The following EP400 variants were observed in gnomAD, a reference collection of about 807,000 sequenced individuals.
The protein encoded by EP400 is E1A-binding protein p400.
In EP400, 105 loss-of-function variants were observed where a neutral mutation model predicts 354.1. The observed-to-expected ratio is 0.30, with a 90% confidence interval of 0.25 to 0.35. EP400 has a LOEUF of 0.35. EP400 is among the 10% of genes least tolerant of loss of function. The pLI is 1.00. For missense variants in EP400, 3,280 were observed against 4,121.0 expected, an observed-to-expected ratio of 0.80 and a Z score of 5.59; for synonymous variants, 1,646 against 1,716.9, an observed-to-expected ratio of 0.96 and a Z score of 1.02.
rs1486846188 is a variant in EP400, at chr12:131,994,810, G to T, written c.2738-57G>T. The T allele has an allele frequency of 1.6e-5, 23 of 1,479,086 alleles. No individual in the cohort carries two copies. Among genetic ancestry groups the T allele is most frequent in the Non-Finnish European group, 2.2e-5 (23 of 1,060,550 alleles). The allele number at this position is 1,479,086 out of a possible 1,614,324, so 91.6% of individuals were successfully genotyped here. On this transcript the variant is annotated intron_variant, in intron 11 of 52. Transcript: ENST00000389561. The surrounding 1 kb of genome is among the most constrained non-coding windows in gnomAD (Gnocchi z 4.6). ...TTCGAAGCCTTATAGTGTGTAATGA[G>T]TAACAGACACTCAAGTGGTGTTGCC... is the stretch of plus-strand genomic sequence containing the variant.
chr12:132,062,262 C>G lies in EP400; in HGVS notation c.8037C>G (p.Val2679=), dbSNP rs1300748162. ...CTTCTGTGACAGCCTCGGCCGTGGT[C>G]ACTACCAACCTGACCCCAGTGCAGA... is the stretch of plus-strand genomic sequence containing the variant. ...AVTSVTASAV[V]TTNLTPVQTP... is the part of the protein sequence containing the mutation. Residue 2679 remains valine, a synonymous_variant, in exon 46 of 53, where the codon GTC becomes GTG. Transcript: ENST00000389561. 1 of 1,614,210 alleles carries G rather than the reference C, an allele frequency of 6.2e-7. No homozygotes were observed. The highest frequency in any genetic ancestry group is 2.2e-5 in the East Asian group (1 of 44,882).
rs374346319 is a variant in EP400, at chr12:132,028,340, G to A, written c.5381+52G>A. The A allele has an allele frequency of 2.3e-5, 36 of 1,590,294 alleles. No individual in the cohort carries two copies. In the African/African-American group the frequency reaches 2.7e-4, roughly 12 times the overall value. On this transcript the variant is annotated intron_variant, in intron 27 of 52. Coordinates refer to ENST00000389561, the MANE Select transcript of EP400 (RefSeq NM_015409.5). ...GTGCTCTCTGGCTGCATTGCACCCC[G>A]GCAAGACCCCTTCTTGTCTCGTGGA... is the stretch of plus-strand genomic sequence containing the variant.
intron 10 of EP400, 50 bp downstream of exon 10, chr12:131,991,506 C>G (rs530743915): frequency 1.9e-6 from 3 of 1,538,816 alleles, no homozygotes; most frequent in South Asian, 2.2e-5. Context: ...AGAAGCAGCT[C>G]CAGTAGAGTG....
intron 2 of EP400, among the ~76,000 whole-genome samples, chr12:131,969,267 T>G (rs949283886): frequency 2.6e-5 from 4 of 152,174 alleles, no homozygotes; most frequent in Non-Finnish European, 4.4e-5. Flanking sequence ...TTTTTCTTCT[T>G]TAGTCTGTAA....
chr12:132,030,186 CT>C, intron 29 of EP400, 28 bp downstream of exon 29: 1 of 1,612,188 alleles, frequency 6.2e-7, no homozygotes, highest in Non-Finnish European at 8.5e-7. Flanking sequence ...TACATTGTCT[CT>C]GATGGGTCAG....
At position 132,032,156 on chromosome 12, in the gene EP400, G is replaced by T; in HGVS notation, c.5951+7G>T. ...AAGACATCCACATATACAGGTGAGGGCCTGCGGGGGATAGGATCAGGAGAT... is the reference window on the plus strand; with the variant it reads ...AAGACATCCACATATACAGGTGAGGTCCTGCGGGGGATAGGATCAGGAGAT... On this transcript the variant is annotated splice_region_variant and intron_variant, in intron 30 of 52. Coordinates refer to ENST00000389561, the MANE Select transcript of EP400 (RefSeq NM_015409.5). 3 of 1,609,606 alleles carry T rather than the reference G, an allele frequency of 1.9e-6. No individual in the cohort carries two copies. Among genetic ancestry groups the T allele is most frequent in the South Asian group, 1.1e-5 (1 of 90,612 alleles).
Position 132,017,715 on chromosome 12 carries a change from C to G in EP400, c.4104C>G (p.Phe1368Leu). The change falls in exon 20 of 53, where the codon TTC becomes TTG. Residue 1368 changes from phenylalanine (F) to leucine (L), a missense_variant. Around this residue, in one of 20 missense-constraint regions of EP400, gnomAD observed 342 missense variants for 342.7 expected, o/e 1.00. Coordinates refer to ENST00000389561, the MANE Select transcript of EP400 (RefSeq NM_015409.5). This position sits in a 1 kb window ranked among gnomAD's most constrained non-coding sequence, Gnocchi z 5.0. ...SLILKALERD[F>L]WKEADLSMFD... Reference sequence around the variant, plus strand: ...TCCTGAAGGCACTGGAGAGAGATTTCTGGAAGGTAAGTGGAGGATCCAGAA... The same window carrying G: ...TCCTGAAGGCACTGGAGAGAGATTTGTGGAAGGTAAGTGGAGGATCCAGAA... 6.6e-7 allele frequency: 1 copy of G among 1,518,474 alleles called. No individual in the cohort carries two copies. The highest frequency in any genetic ancestry group is 8.8e-7 in the Non-Finnish European group (1 of 1,133,920). The allele number at this position is 1,518,474 out of a possible 1,614,324, so 94.1% of individuals were successfully genotyped here.
intron 5 of EP400, among the ~76,000 whole-genome samples, chr12:131,983,589 G>T (rs867907352): frequency 1.8e-4 from 28 of 152,356 alleles, no homozygotes; most frequent in African/African-American, 6.3e-4. Flanking sequence ...GCACATCAGG[G>T]CGTGGGGAGC....
Position 131,960,873 on chromosome 12 carries a change from G to T in EP400, c.254G>T (p.Gly85Val), listed in dbSNP as rs1383601008. ...TLQSVGPVVG[G>V]NQQITLAPLP... is the part of the protein sequence containing the mutation. ...CAGAGCGTGGGCCCTGTCGTCGGGG[G>T]AAACCAGCAGATCACACTGGCCCCA... Residue 85 changes from glycine (G) to valine (V), a missense_variant, in exon 2 of 53, where the codon GGA becomes GTA. By Grantham distance (109) the Gly-to-Val change is moderately radical (BLOSUM62 -3). Around this residue, in one of 20 missense-constraint regions of EP400, gnomAD observed 172 missense variants for 242.9 expected, o/e 0.71. Coordinates refer to ENST00000389561, the MANE Select transcript of EP400 (RefSeq NM_015409.5). The T allele has an allele frequency of 6.2e-7, 1 of 1,614,020 alleles. No individual in the cohort carries two copies. Among genetic ancestry groups the T allele is most frequent in the East Asian group, 2.2e-5 (1 of 44,878 alleles).
Position 132,077,751 on chromosome 12 carries a change from A to G in EP400, c.*78A>G, listed in dbSNP as rs1265517767. 53 of 1,447,672 alleles carry G rather than the reference A, an allele frequency of 3.7e-5. No individual in the cohort carries two copies. The highest frequency in any genetic ancestry group is 4.8e-5 in the Non-Finnish European group (52 of 1,093,554). The allele number at this position is 1,447,672 out of a possible 1,614,324, so 89.7% of individuals were successfully genotyped here. ...AAACGCTTTATTAGTGAACCTTGGGACCATGTCACGCAAGAGATTCAGCAC... is the reference window on the plus strand; with the variant it reads ...AAACGCTTTATTAGTGAACCTTGGGGCCATGTCACGCAAGAGATTCAGCAC... On this transcript the variant is annotated 3_prime_UTR_variant, in exon 53 of 53. Coordinates refer to ENST00000389561, the MANE Select transcript of EP400 (RefSeq NM_015409.5).
Position 131,994,963 on chromosome 12 carries a change from T to C in EP400, c.2827+7T>C. ...TCTAATTTAGCCAAGGAAGGTAGGC[T>C]GTTGCTACCTTATTAAACATTCAGT... On this transcript the variant is annotated splice_region_variant and intron_variant, in intron 12 of 52. Transcript: ENST00000389561. This position sits in a 1 kb window ranked among gnomAD's most constrained non-coding sequence, Gnocchi z 4.6. 1 of 1,611,248 alleles carries C rather than the reference T, an allele frequency of 6.2e-7. No individual in the cohort carries two copies. The highest frequency in any genetic ancestry group is 8.5e-7 in the Non-Finnish European group (1 of 1,177,640).
At chr12:131,998,057 C>T (rs1451490202) in intron 12 of EP400, among the ~76,000 whole-genome samples, 1 of 152,230 alleles carries the variant, frequency 6.6e-6, no homozygotes, top group Admixed American at 6.5e-5. Context: ...CTTTTCCCCA[C>T]TGATCTTAAG....
rs535478018 is a variant in EP400 at position 132,025,061 on chromosome 12, T to C, written c.4856-585T>C. Among the ~76,000 whole-genome samples, 1 of 152,134 alleles carries C rather than the reference T, an allele frequency of 6.6e-6. No individual in the cohort carries two copies. Among genetic ancestry groups the C allele is most frequent in the South Asian group, 2.1e-4 (1 of 4,824 alleles). On this transcript the variant is annotated intron_variant, in intron 24 of 52. Transcript: ENST00000389561. The surrounding 1 kb of genome is among the most constrained non-coding windows in gnomAD (Gnocchi z 4.1). The stretch of plus-strand genomic sequence containing the variant: ...AGTCTGGTTTACTTCCTTTTTTTTT[T>C]TCTTAAAACAAAACAAAACAAAACA...
At position 131,986,681 on chromosome 12, in the gene EP400, A is replaced by G. The variant is rs1303847917; in HGVS notation, c.2097A>G (p.Leu699=). The change falls in exon 6 of 53, where the codon CTA becomes CTG. Residue 699 remains leucine, a synonymous_variant. Coordinates refer to ENST00000389561, the MANE Select transcript of EP400 (RefSeq NM_015409.5). ...NRPSSATNKA[L]SPVTSRTPGV... The stretch of plus-strand genomic sequence containing the variant: ...CTTCCTCAGCCACCAATAAGGCACT[A>G]TCTCCAGTCACTTCCCGGACCCCAG... 2 of 1,614,110 alleles carry G rather than the reference A, an allele frequency of 1.2e-6. No individual in the cohort carries two copies. The highest frequency in any genetic ancestry group is 8.5e-7 in the Non-Finnish European group (1 of 1,180,012).
Position 132,044,434 on chromosome 12 carries a change from C to G in EP400, c.6585+123C>G. The G allele has an allele frequency of 3.7e-6, 5 of 1,361,590 alleles. No individual in the cohort carries two copies. The South Asian group carries it at 4.5e-5, about 12-fold the overall frequency. The allele number at this position is 1,361,590 out of a possible 1,614,324, so 84.3% of individuals were successfully genotyped here. A position where few individuals can be genotyped will look rare whatever the true frequency, so the allele number is the denominator to read the frequency against. On this transcript the variant is annotated intron_variant, in intron 35 of 52. Coordinates refer to ENST00000389561, the MANE Select transcript of EP400 (RefSeq NM_015409.5). ...AGAAAATGCCTAGGAATTTTTACTT[C>G]TCATATCAACACAACCTCACTTATG... is the stretch of plus-strand genomic sequence containing the variant.
At chr12:132,069,246 G>A in intron 50 of EP400, 2 of 482,196 alleles carry the variant, frequency 4.1e-6, no homozygotes, top group Non-Finnish European at 7.3e-6. Context: ...CCCGGGTGGG[G>A]TGGGCTGCAG....
chr12:131,989,152 G>A (rs999265274), intron 7 of EP400, among the ~76,000 whole-genome samples: 3 of 152,240 alleles, frequency 2.0e-5, no homozygotes, highest in Non-Finnish European at 4.4e-5. Context: ...GGGCTAGAGT[G>A]GGAGCTGGTG....
At chr12:131,999,001 C>T (rs1310870856) in intron 12 of EP400, among the ~76,000 whole-genome samples, 4 of 150,018 alleles carry the variant, frequency 2.7e-5, no homozygotes, top group African/African-American at 7.3e-5. Flanking sequence ...TTTTTCTTGC[C>T]GTTTTGTGCT....
chr12:132,047,466 G>T (rs1048104888), intron 39 of EP400, among the ~76,000 whole-genome samples: 15 of 152,166 alleles, frequency 9.9e-5, no homozygotes, highest in Admixed American at 9.2e-4. Context: ...TTAAAGCTGG[G>T]TGTCTGGGGG....
Sources: allele counts gnomAD v4.1 joint callset (sites outside exome capture counted in the v4.1 genomes callset), GRCh38; gene constraint gnomAD v4.1.1; regional missense constraint gnomAD v4.1.1; non-coding constraint Gnocchi (gnomAD v3.1); transcripts MANE v1.5; gene names NCBI Gene and HGNC (gene_info 2026-07-23, HGNC 2026-07-21).